The following CHST9 variants were observed in gnomAD, a reference collection of about 807,000 sequenced individuals.
The protein encoded by CHST9 is GalNAc-4-sulfotransferase 2.
A neutral mutation model predicts 44.4 loss-of-function variants in CHST9; 41 were observed. The ratio of observed to expected loss-of-function variants is 0.92; its 90% confidence interval spans 0.72 to 1.20. The LOEUF (loss-of-function observed/expected upper bound fraction) is 1.20, where lower values mean the gene tolerates loss of function less well. Among genes scored for constraint, CHST9 ranks in the 50% most tolerant of loss-of-function variants. CHST9 has a pLI of 0.00. For synonymous variants in CHST9, 171 were observed against 178.4 expected, an observed-to-expected ratio of 0.96 and a Z score of 0.33; for missense variants, 504 against 516.5, an observed-to-expected ratio of 0.98 and a Z score of 0.23.
chr18:27,024,877 T>C (rs940456003), intron 3 of CHST9, among the ~76,000 whole-genome samples: 1 of 152,128 alleles, frequency 6.6e-6, no homozygotes, highest in African/African-American at 2.4e-5. Context: ...TTCTGCCAGA[T>C]GAAGTTGGCC....
intron 2 of CHST9, among the ~76,000 whole-genome samples, chr18:27,113,232 T>C (rs2058289769): frequency 6.6e-6 from 1 of 151,622 alleles, no homozygotes; most frequent in Admixed American, 6.6e-5. Context: ...CAATCAGTAC[T>C]ATCACATAAC....
At chr18:27,120,127 T>C (rs1263883253) in intron 2 of CHST9, among the ~76,000 whole-genome samples, 1 of 152,214 alleles carries the variant, frequency 6.6e-6, no homozygotes, top group South Asian at 2.1e-4. Flanking sequence ...TTTACACTAG[T>C]ACAAGTATTA....
At position 27,152,761 on chromosome 18, in the gene CHST9, C is replaced by CT. The variant is rs199647997; in HGVS notation, c.-96-9857dup. Among the ~76,000 whole-genome samples, 170 of 151,320 alleles carry CT rather than the reference C, an allele frequency of 1.1e-3. 3 individuals carry two copies. The East Asian group carries it at 0.024, about 21-fold the overall frequency. ...AGAGATAGAAGATTTTAAAGGGAGC[C>CT]TTTTAAAAAATTTTTGGAGTCCTGG... On this transcript the variant is annotated intron_variant, in intron 1 of 5. Coordinates refer to ENST00000618847, the MANE Select transcript of CHST9 (RefSeq NM_031422.6).
chr18:27,099,953 A>G (rs554620619), intron 2 of CHST9, among the ~76,000 whole-genome samples: 7 of 152,214 alleles, frequency 4.6e-5, no homozygotes, highest in South Asian at 2.1e-4. Context: ...CACAATAGCA[A>G]AGACATGGAA....
At chr18:26,961,328 A>G (rs545738655) in intron 4 of CHST9, among the ~76,000 whole-genome samples, 9 of 152,370 alleles carry the variant, frequency 5.9e-5, no homozygotes, top group African/African-American at 2.2e-4. Flanking sequence ...ATATGATTAT[A>G]TGTAAAGAAG....
Position 27,153,835 on chromosome 18 carries a change from C to G in CHST9, c.-96-10930G>C, listed in dbSNP as rs146135799. 5.0e-3 allele frequency among the ~76,000 whole-genome samples: 762 copies of G among 152,204 alleles called. 13 individuals carry two copies. The highest frequency in any genetic ancestry group is 0.023 in the Admixed American group (347 of 15,278). ...CTGCAGTGATTATTTTGCAGGTGATCTGAGAATGAAGCTCAGAGCCTCAGT... is the reference window on the plus strand; with the variant it reads ...CTGCAGTGATTATTTTGCAGGTGATGTGAGAATGAAGCTCAGAGCCTCAGT... On this transcript the variant is annotated intron_variant, in intron 1 of 5. Transcript: ENST00000618847.
intron 2 of CHST9, among the ~76,000 whole-genome samples, chr18:27,074,567 T>C (rs1264125570): frequency 6.6e-6 from 1 of 152,130 alleles, no homozygotes. Flanking sequence ...TGACAAAGCA[T>C]TCCCATCCTC....
chr18:26,916,209 T>A lies in CHST9; in HGVS notation c.*50A>T. ...AATTATAGAAAAATTACAGCTGATT[T>A]GAACTTATCATCATTAAGTATATAC... On this transcript the variant is annotated 3_prime_UTR_variant, in exon 6 of 6. Coordinates refer to ENST00000618847, the MANE Select transcript of CHST9 (RefSeq NM_031422.6). 7.5e-7 allele frequency: 1 copy of A among 1,329,558 alleles called. No individual in the cohort carries two copies. The allele number at this position is 1,329,558 out of a possible 1,614,324, so 82.4% of individuals were successfully genotyped here.
At chr18:27,056,333 G>T (rs550529041) in intron 2 of CHST9, among the ~76,000 whole-genome samples, 3 of 152,112 alleles carry the variant, frequency 2.0e-5, no homozygotes, top group Non-Finnish European at 4.4e-5. Flanking sequence ...CATGCACAAG[G>T]TTCCAGTTAG....
intron 2 of CHST9, among the ~76,000 whole-genome samples, chr18:27,127,715 C>T (rs1367407686): frequency 2.0e-5 from 3 of 152,008 alleles, no homozygotes; most frequent in South Asian, 4.1e-4. Context: ...CAGAAAGAGA[C>T]GATGATACAG....
chr18:27,164,670 G>C (rs1567946023), intron 1 of CHST9, among the ~76,000 whole-genome samples: 1 of 152,156 alleles, frequency 6.6e-6, no homozygotes, highest in African/African-American at 2.4e-5. Flanking sequence ...ACATTGTCTT[G>C]ACATTTCAGA....
At chr18:26,972,874 C>A (rs1398731437) in intron 4 of CHST9, among the ~76,000 whole-genome samples, 2 of 152,114 alleles carry the variant, frequency 1.3e-5, no homozygotes, top group Non-Finnish European at 2.9e-5. Flanking sequence ...CACTGCGTGG[C>A]ACTAAGAATG....
chr18:27,071,559 C>T (rs1218127224), intron 2 of CHST9, among the ~76,000 whole-genome samples: 1 of 152,178 alleles, frequency 6.6e-6, no homozygotes, highest in Admixed American at 6.5e-5. Flanking sequence ...AAATATTTCA[C>T]TCAAAGAAGG....
rs2055453668 is a variant in CHST9, at chr18:26,912,409, A to G, written c.*3850T>C. On this transcript the variant is annotated 3_prime_UTR_variant, in exon 6 of 6. Transcript: ENST00000618847. ...CACACACACACACACACACACACACACACAGACACCCATATTTGTATGGAA... is the reference window on the plus strand; with the variant it reads ...CACACACACACACACACACACACACGCACAGACACCCATATTTGTATGGAA... The G allele has an allele frequency of 6.7e-6, 1 of 149,236 alleles. No homozygotes were observed. Among genetic ancestry groups the G allele is most frequent in the Non-Finnish European group, 1.5e-5 (1 of 66,692 alleles). 9.2% of individuals were successfully genotyped at this position (149,236 alleles called of 1,614,324 possible).
chr18:27,026,613 T>A (rs542514241), intron 3 of CHST9, among the ~76,000 whole-genome samples: 2 of 152,182 alleles, frequency 1.3e-5, no homozygotes, highest in Non-Finnish European at 1.5e-5. Context: ...ATAATAAATA[T>A]GTAGGATGTT....
At chr18:27,008,603 TG>T (rs1213819419) in intron 4 of CHST9, among the ~76,000 whole-genome samples, 1 of 152,218 alleles carries the variant, frequency 6.6e-6, no homozygotes, top group African/African-American at 2.4e-5. Flanking sequence ...TTCTTTAAGT[TG>T]ACAATCCTTA....
At chr18:26,927,302 C>A (rs1215229198) in intron 5 of CHST9, among the ~76,000 whole-genome samples, 3 of 152,002 alleles carry the variant, frequency 2.0e-5, no homozygotes, top group Admixed American at 2.0e-4. Flanking sequence ...CCCCTCCACA[C>A]CTGTGGGCGT....
At chr18:27,019,710 A>AAG (rs1568135639) in intron 4 of CHST9, among the ~76,000 whole-genome samples, 15 of 150,844 alleles carry the variant, frequency 9.9e-5, no homozygotes, top group Admixed American at 1.3e-4. Flanking sequence ...AAAAAAAAAA[A>AAG]AGAGAGAAAA....
rs541111218 is a variant in CHST9, at chr18:27,033,547, G to A, written c.161-9390C>T. Among the ~76,000 whole-genome samples the A allele has an allele frequency of 5.9e-5, 9 of 152,280 alleles. No individual in the cohort carries two copies. In the South Asian group the frequency reaches 6.2e-4, roughly 11 times the overall value. On this transcript the variant is annotated intron_variant, in intron 3 of 5. Coordinates refer to ENST00000618847, the MANE Select transcript of CHST9 (RefSeq NM_031422.6). ...GCATCTGATTTGGAAGGATGTTTGC[G>A]TCATTCCCTCCCTTCTCTTTTTCTC...
Sources: gnomAD v4.1 joint callset for allele counts (sites outside exome capture counted in the v4.1 genomes callset) on GRCh38, gnomAD v4.1.1 for gene constraint, MANE v1.5 for transcripts, NCBI Gene and HGNC (gene_info 2026-07-23, HGNC 2026-07-21) for gene names.